SMIM36: variants seen among roughly 807,000 people sequenced by gnomAD.
The protein encoded by SMIM36 is small integral membrane protein 36.
chr17:55,454,330 T>C (rs1240722707), intron 4 of SMIM36, among the ~76,000 whole-genome samples: 1 of 152,198 alleles, frequency 6.6e-6, no homozygotes, highest in Non-Finnish European at 1.5e-5. Context: ...CATTTTGATG[T>C]GCATTACAAA....
chr17:55,495,191 C>T (rs1909786967), intron 1 of SMIM36, among the ~76,000 whole-genome samples: 1 of 152,176 alleles, frequency 6.6e-6, no homozygotes, highest in African/African-American at 2.4e-5. Flanking sequence ...CCACCTGTAT[C>T]TGTGCTATAC....
the SMIM36 span, among the ~76,000 whole-genome samples, chr17:55,523,482 A>G: frequency 6.8e-6 from 1 of 147,552 alleles, no homozygotes; most frequent in East Asian, 2.1e-4. Context: ...GTGAGCTGAG[A>G]TTGTGCCATT....
intron 3 of SMIM36, among the ~76,000 whole-genome samples, chr17:55,473,772 C>T (rs1909380918): frequency 6.6e-6 from 1 of 152,114 alleles, no homozygotes; most frequent in African/African-American, 2.4e-5. Context: ...TCTTGCTAGG[C>T]CCCAACCTTG....
chr17:55,487,651 G>A (rs145059077), intron 1 of SMIM36, among the ~76,000 whole-genome samples: 259 of 152,250 alleles, frequency 1.7e-3, no homozygotes, highest in Middle Eastern at 3.4e-3. Flanking sequence ...AGGAACTGAG[G>A]GATGCCTGGG....
chr17:55,501,460 A>T (rs1330101007), intron 1 of SMIM36, among the ~76,000 whole-genome samples: 1 of 81,568 alleles, frequency 1.2e-5, no homozygotes, highest in African/African-American at 5.4e-5. Context: ...ATATATTATT[A>T]TATATTATAT....
chr17:55,525,045 T>C, the SMIM36 span, among the ~76,000 whole-genome samples: 1 of 152,180 alleles, frequency 6.6e-6, no homozygotes, highest in East Asian at 1.9e-4. Context: ...TCGTATGTTT[T>C]TATGTGGCAG....
At chr17:55,477,023 A>G (rs1437023913) in intron 3 of SMIM36, 1 of 152,200 alleles carries the variant, frequency 6.6e-6, no homozygotes, top group African/African-American at 2.4e-5. Context: ...ACAACAAAGT[A>G]CCAAAAAATG....
At chr17:55,516,554 C>CTTT in the SMIM36 span, among the ~76,000 whole-genome samples, 19 of 98,552 alleles carry the variant, frequency 1.9e-4, no homozygotes, top group East Asian at 2.9e-4. Flanking sequence ...AACAGTCTTC[C>CTTT]TTTTTTTTTT....
the SMIM36 span, among the ~76,000 whole-genome samples, chr17:55,523,524 C>T: frequency 3.0e-4 from 42 of 139,324 alleles, no homozygotes; most frequent in African/African-American, 9.7e-4. Context: ...AGTGAGACTC[C>T]GTCTCAAAAA....
At chr17:55,488,322 C>T (rs1041864639) in intron 1 of SMIM36, among the ~76,000 whole-genome samples, 5 of 152,194 alleles carry the variant, frequency 3.3e-5, no homozygotes, top group Admixed American at 2.6e-4. Flanking sequence ...GGCTGCATTA[C>T]GAAATTCTCT....
At chr17:55,473,657 C>A (rs4793796) in intron 3 of SMIM36, among the ~76,000 whole-genome samples, 110,895 of 151,900 alleles carry the variant, frequency 0.73, 41,144 homozygotes, top group Middle Eastern at 0.82. Flanking sequence ...CTCCAACTTA[C>A]AAAGGATTGG....
intron 3 of SMIM36, among the ~76,000 whole-genome samples, chr17:55,475,170 T>C (rs907793051): frequency 1.3e-5 from 2 of 152,124 alleles, no homozygotes; most frequent in Middle Eastern, 3.2e-3. Flanking sequence ...CATACTCCTA[T>C]TCACCATTCT....
At chr17:55,476,157 T>C (rs111249178) in intron 3 of SMIM36, among the ~76,000 whole-genome samples, 27 of 152,246 alleles carry the variant, frequency 1.8e-4, no homozygotes, top group African/African-American at 6.3e-4. Flanking sequence ...CTGAAGCAAG[T>C]GAAGAATCAC....
At chr17:55,496,774 C>T (rs1909815132) in intron 1 of SMIM36, among the ~76,000 whole-genome samples, 1 of 152,198 alleles carries the variant, frequency 6.6e-6, no homozygotes, top group East Asian at 1.9e-4. Context: ...CTGCACCCAC[C>T]TTGCTGAATC....
At chr17:55,520,846 G>T in the SMIM36 span, among the ~76,000 whole-genome samples, 2 of 152,182 alleles carry the variant, frequency 1.3e-5, no homozygotes, top group East Asian at 3.8e-4. Context: ...AAATTATCTT[G>T]ACCGGCAGGT....
At chr17:55,498,838 A>G (rs1365178081) in intron 1 of SMIM36, among the ~76,000 whole-genome samples, 1 of 151,834 alleles carries the variant, frequency 6.6e-6, no homozygotes, top group Non-Finnish European at 1.5e-5. Flanking sequence ...GTCTCTACTA[A>G]AAACACAAAA....
chr17:55,522,469 CAGA>C, the SMIM36 span, among the ~76,000 whole-genome samples: 1 of 152,180 alleles, frequency 6.6e-6, no homozygotes, highest in Non-Finnish European at 1.5e-5. Flanking sequence ...ACAATCATGG[CAGA>C]AGGTGAATGG....
chr17:55,491,400 A>T (rs991368200), intron 1 of SMIM36, among the ~76,000 whole-genome samples: 1 of 152,072 alleles, frequency 6.6e-6, no homozygotes, highest in African/African-American at 2.4e-5. Context: ...TCCATTTTTT[A>T]AGTTTGCCTT....
At chr17:55,492,242 C>CTTTTTTTTTTTTTTTTTTTTTTTT (rs770501215) in intron 1 of SMIM36, among the ~76,000 whole-genome samples, 3 of 111,286 alleles carry the variant, frequency 2.7e-5, no homozygotes, top group Non-Finnish European at 5.3e-5. Context: ...TTCTTTCTTT[C>CTTTTTTTTTTTTTTTTTTTTTTTT]TTTTTTTTTT....
Sources: allele counts gnomAD v4.1 joint callset (sites outside exome capture counted in the v4.1 genomes callset), GRCh38; gene constraint gnomAD v4.1.1; transcripts MANE v1.5; gene names NCBI Gene and HGNC (gene_info 2026-07-23, HGNC 2026-07-21).